Variants in PUS3 observed in about 807,000 individuals in gnomAD.
The protein encoded by PUS3 is pseudouridine synthase 3, also known as tRNA pseudouridine(38/39) synthase.
A neutral mutation model predicts 43.3 loss-of-function variants in PUS3; 36 were observed. The observed-to-expected ratio is 0.83, with a 90% CI of 0.64 to 1.10. The LOEUF is 1.10. Ranked by LOEUF, PUS3 falls within the 50% of genes least tolerant of loss-of-function variation. The pLI, the probability that PUS3 is intolerant of heterozygous loss-of-function variation, is 0.00. For missense variants in PUS3, 544 were observed against 589.9 expected (o/e 0.92, Z 0.81); for synonymous variants, 183 against 199.2 (o/e 0.92, Z 0.69).
chr11:125,896,907 T>G (rs1693135275), intron 1 of PUS3, among the ~76,000 whole-genome samples: 1 of 152,222 alleles, frequency 6.6e-6, no homozygotes, highest in Admixed American at 6.5e-5. Context: ...AGACAAGATT[T>G]TCTCACTTTA....
At position 125,895,286 on chromosome 11, in the gene PUS3, C is replaced by T; in HGVS notation, c.882G>A (p.Glu294=). The T allele has an allele frequency of 6.2e-7, 1 of 1,613,124 alleles. No homozygotes were observed. The highest frequency in any genetic ancestry group is 8.5e-7 in the Non-Finnish European group (1 of 1,179,630). Residue 294 remains glutamate (E), a synonymous_variant, in exon 3 of 4, where the codon GAG becomes GAA. Coordinates refer to ENST00000227474, the MANE Select transcript of PUS3 (RefSeq NM_031307.4). ...AILFLIGQGM[E]KPEIIDELLN... is the part of the protein sequence containing the mutation. The stretch of plus-strand genomic sequence containing the variant: ...GCAGCTCATCAATAATCTCTGGCTT[C>T]TCCATTCCTTGGCCAATCAGAAAGA...
intron 1 of PUS3, chr11:125,899,589 A>G: frequency 1.2e-6 from 2 of 1,614,186 alleles, no homozygotes; most frequent in South Asian, 1.1e-5. Flanking sequence ...CCACATGTAG[A>G]AAGTAATGTC....
chr11:125,893,696 T>C lies in PUS3; in HGVS notation c.*89A>G. On this transcript the variant is annotated 3_prime_UTR_variant, in exon 4 of 4. Transcript: ENST00000227474. Reference sequence around the variant, plus strand: ...TCTTTTAAGAGCTGATCATCTGAATTCCTAGTACTTGCAAGTAAATTTTTT... The same window carrying C: ...TCTTTTAAGAGCTGATCATCTGAATCCCTAGTACTTGCAAGTAAATTTTTT... 9.8e-7 allele frequency: 1 copy of C among 1,023,728 alleles called. No homozygotes were observed. Among genetic ancestry groups the C allele is most frequent in the South Asian group, 2.2e-5 (1 of 45,418 alleles). The allele number at this position is 1,023,728 out of a possible 1,614,324, so 63.4% of individuals were successfully genotyped here. A position where few individuals can be genotyped will look rare whatever the true frequency, so the allele number is the denominator to read the frequency against.
At position 125,896,238 on chromosome 11, in the gene PUS3, T is replaced by C. The variant is rs1565454364; in HGVS notation, c.47A>G (p.Lys16Arg). 1.9e-6 allele frequency: 3 copies of C among 1,613,716 alleles called. No individual in the cohort carries two copies. In the South Asian group the frequency reaches 3.3e-5, roughly 18 times the overall value. ...CTCTTGCTCCAGTTCTCGTACTCTTTTTAGGAGCTTCTCAGTCTGGTTTCT... is the reference window on the plus strand; with the variant it reads ...CTCTTGCTCCAGTTCTCGTACTCTTCTTAGGAGCTTCTCAGTCTGGTTTCT... The part of the protein sequence containing the change: ...TDRNQTEKLL[K>R]RVRELEQEVQ... Residue 16 changes from lysine (K) to arginine (R), a missense_variant, in exon 2 of 4, where the codon AAA becomes AGA. Coordinates refer to ENST00000227474, the MANE Select transcript of PUS3 (RefSeq NM_031307.4).
rs1157214333 is a variant in PUS3, at chr11:125,894,084, C to A, written c.1147G>T (p.Asp383Tyr). 4 of 1,614,162 alleles carry A rather than the reference C, an allele frequency of 2.5e-6. No homozygotes were observed. Among genetic ancestry groups the A allele is most frequent in the Non-Finnish European group, 3.4e-6 (4 of 1,180,024 alleles). ...ACATTTCCCCATTCTGTCATTCCAT[C>A]CATCTTTGGTCCTATTCCACAGGGT... ...PVPCGIGPKM[D>Y]GMTEWGNVKP... is the part of the protein sequence containing the mutation. Residue 383 changes from aspartate to tyrosine, a missense_variant, in exon 4 of 4, where the codon GAT becomes TAT. Coordinates refer to ENST00000227474, the MANE Select transcript of PUS3 (RefSeq NM_031307.4).
chr11:125,893,979 G>T lies in PUS3; in HGVS notation c.1252C>A (p.Pro418Thr). ...MRTYKPLMDR[P>T]KCQGLESRIQ... ...CGGGATTCCAGTCCTTGGCATTTAGGACGGTCCATGAGGGGCTTATATGTG... is the reference window on the plus strand; with the variant it reads ...CGGGATTCCAGTCCTTGGCATTTAGTACGGTCCATGAGGGGCTTATATGTG... Residue 418 changes from proline to threonine, a missense_variant, in exon 4 of 4, where the codon CCT becomes ACT. Pro to Thr is a conservative substitution (Grantham distance 38). Transcript: ENST00000227474. 1 of 1,614,126 alleles carries T rather than the reference G, an allele frequency of 6.2e-7. No homozygotes were observed. Among genetic ancestry groups the T allele is most frequent in the Non-Finnish European group, 8.5e-7 (1 of 1,180,026 alleles).
Position 125,895,577 on chromosome 11 carries a change from A to T in PUS3, c.591T>A (p.Tyr197Ter). 6.2e-7 allele frequency: 1 copy of T among 1,614,260 alleles called. No homozygotes were observed. Residue 197 changes from tyrosine (Y) to a stop codon, truncating the protein, a stop_gained, in exon 3 of 4, where the codon TAT (tyrosine) becomes TAA (stop). Transcript: ENST00000227474. LOFTEE classifies it high-confidence loss of function. ...TATCTAAATCAGCACGAGGGAAAAA[A>T]TAGCGGTAAGTCCGCTCAAGGCAGC... ...RFSCLERTYR[Y>*]FFPRADLDIV...
In PUS3 at chr11:125,893,583, C is replaced by T. The variant is rs1944473271; in HGVS notation, c.*202G>A. 6.4e-6 allele frequency: 3 copies of T among 466,766 alleles called. No individual in the cohort carries two copies. The highest frequency in any genetic ancestry group is 9.2e-5 in the South Asian group (2 of 21,752). The allele number at this position is 466,766 out of a possible 1,614,324, so 28.9% of individuals were successfully genotyped here. On this transcript the variant is annotated 3_prime_UTR_variant, in exon 4 of 4. Coordinates refer to ENST00000227474, the MANE Select transcript of PUS3 (RefSeq NM_031307.4). ...TTTTACGTTCTTTAATCGCTTAATCCTTTTGGACCGGGATAAGAGAATATT... is the reference window on the plus strand; with the variant it reads ...TTTTACGTTCTTTAATCGCTTAATCTTTTTGGACCGGGATAAGAGAATATT...
chr11:125,893,558 T>C lies in PUS3; in HGVS notation c.*227A>G, dbSNP rs898272081. On this transcript the variant is annotated 3_prime_UTR_variant, in exon 4 of 4. Transcript: ENST00000227474. ...CCAGGTGTATGTAAATACATCTCCA[T>C]TTTACGTTCTTTAATCGCTTAATCC... 1.2e-5 allele frequency: 5 copies of C among 409,574 alleles called. No individual in the cohort carries two copies. Among genetic ancestry groups the C allele is most frequent in the East Asian group, 4.0e-5 (1 of 24,856 alleles). 25.4% of individuals were successfully genotyped at this position (409,574 alleles called of 1,614,324 possible).
At chr11:125,900,566 AAT>A (rs1415648996) in intron 1 of PUS3, 1 of 395,694 alleles carries the variant, frequency 2.5e-6, no homozygotes, top group East Asian at 6.2e-5. Flanking sequence ...TTTACCTATC[AAT>A]ATGAGTTGCT....
intron 1 of PUS3, chr11:125,900,228 T>A: frequency 6.2e-7 from 1 of 1,614,232 alleles, no homozygotes; most frequent in Non-Finnish European, 8.5e-7. Context: ...GCAAATGGTG[T>A]CATACCCAGG....
At chr11:125,899,242 ATTCT>A in intron 1 of PUS3, 1 of 789,340 alleles carries the variant, frequency 1.3e-6, no homozygotes, top group Non-Finnish European at 2.1e-6. Flanking sequence ...GGCCTTAGCC[ATTCT>A]TTCTCCATTT....
At chr11:125,900,045 T>C in intron 1 of PUS3, 1 of 1,614,192 alleles carries the variant, frequency 6.2e-7, no homozygotes, top group Non-Finnish European at 8.5e-7. Context: ...TGGGACTCAA[T>C]ACGTTTACCT....
rs374261603 is a variant in PUS3 at position 125,900,093 on chromosome 11, G to A, written c.-47+3077C>T. ...AGAAAGGAATTACGCTGGGGTGTCC[G>A]AGAGCAGATGCTTTGTCGAGCAGAA... On this transcript the variant is annotated intron_variant, in intron 1 of 3. Transcript: ENST00000227474. 2.7e-5 allele frequency: 43 copies of A among 1,614,064 alleles called. No individual in the cohort carries two copies. Among genetic ancestry groups the A allele is most frequent in the East Asian group, 8.9e-5 (4 of 44,898 alleles).
chr11:125,900,612 A>G (rs1394002144), intron 1 of PUS3: 1 of 304,034 alleles, frequency 3.3e-6, no homozygotes, highest in East Asian at 9.6e-5. Flanking sequence ...GTTGCTGGGC[A>G]TTACACTTAC....
intron 3 of PUS3, 111 bp downstream of exon 3, chr11:125,895,113 C>T (rs895312111): frequency 7.9e-6 from 6 of 756,398 alleles, no homozygotes; most frequent in Middle Eastern, 7.9e-4. Context: ...GTGGTCCAAT[C>T]TCAGCTCAGT....
At chr11:125,899,085 C>G in intron 1 of PUS3, 1 of 420,290 alleles carries the variant, frequency 2.4e-6, no homozygotes, top group Non-Finnish European at 4.3e-6. Flanking sequence ...TATGCCAGAA[C>G]TATACTGTCC....
At chr11:125,900,748 C>CGTGA (rs1944747272) in intron 1 of PUS3, 2 of 175,684 alleles carry the variant, frequency 1.1e-5, no homozygotes, top group African/African-American at 4.8e-5. Flanking sequence ...CGGTGGCTCA[C>CGTGA]GCCTGTAATC....
At chr11:125,899,041 G>A in intron 1 of PUS3, 1 of 287,826 alleles carries the variant, frequency 3.5e-6, no homozygotes, top group Admixed American at 4.6e-5. Flanking sequence ...GCATTAAGCA[G>A]TATGCCCCAT....
Sources: gnomAD v4.1 joint callset for allele counts (sites outside exome capture counted in the v4.1 genomes callset) on GRCh38, gnomAD v4.1.1 for gene constraint, MANE v1.5 for transcripts, NCBI Gene and HGNC (gene_info 2026-07-23, HGNC 2026-07-21) for gene names.